Variants in TNS3 observed in about 807,000 individuals in gnomAD.
TNS3 encodes tensin 3.
A neutral mutation model predicts 140.9 loss-of-function variants in TNS3; 45 were observed. That is an observed-to-expected ratio of 0.32 (90% CI 0.25 to 0.41). The LOEUF is 0.41. TNS3 is among the 10% of genes least tolerant of loss of function. The pLI is 1.00. For synonymous variants in TNS3, 815 were observed against 788.4 expected (o/e 1.03, Z -0.56); for missense variants, 1,716 against 1,906.7 (o/e 0.90, Z 1.86).
At position 47,346,243 on chromosome 7, in the gene TNS3, C is replaced by T; in HGVS notation, c.2395G>A (p.Gly799Ser). Residue 799 changes from glycine to serine, a missense_variant, in exon 18 of 31, where the codon GGT (glycine) becomes AGT (serine). Physicochemically the swap from Gly to Ser is moderately conservative, Grantham distance 56. Coordinates refer to ENST00000311160, the MANE Select transcript of TNS3 (RefSeq NM_022748.12). ...GGCAGGTTTGGGGCATAGTCCACAC[C>T]AGCCTTTCCCCATGCACATTTGGAG... is the stretch of plus-strand genomic sequence containing the variant. ...PFSKCAWGKA[G>S]VDYAPNLPPF... 6 of 1,614,216 alleles carry T rather than the reference C, an allele frequency of 3.7e-6. No individual in the cohort carries two copies. The highest frequency in any genetic ancestry group is 5.1e-6 in the Non-Finnish European group (6 of 1,180,034).
intron 4 of TNS3, among the ~76,000 whole-genome samples, chr7:47,468,054 A>G (rs1796797406): frequency 6.6e-6 from 1 of 152,202 alleles, no homozygotes; most frequent in Non-Finnish European, 1.5e-5. Flanking sequence ...TTTAAAAAAA[A>G]AAATCAGCAC....
At chr7:47,510,860 T>TAAAAA (rs34323744) in intron 2 of TNS3, among the ~76,000 whole-genome samples, 1 of 128,320 alleles carries the variant, frequency 7.8e-6, no homozygotes, top group Non-Finnish European at 1.6e-5. Flanking sequence ...AGACTGTCTT[T>TAAAAA]AAAAAAAAAA....
At chr7:47,379,273 G>A (rs975168706) in intron 16 of TNS3, among the ~76,000 whole-genome samples, 2 of 152,140 alleles carry the variant, frequency 1.3e-5, no homozygotes, top group African/African-American at 4.8e-5. Context: ...CTCAAGGGGC[G>A]TTGTATTATC....
At chr7:47,402,963 A>G (rs1793240778) in intron 13 of TNS3, among the ~76,000 whole-genome samples, 1 of 152,204 alleles carries the variant, frequency 6.6e-6, no homozygotes, top group Non-Finnish European at 1.5e-5. Flanking sequence ...GGAGTCAGGA[A>G]ACTCCTCAGG....
At chr7:47,490,759 C>G (rs1003583039) in intron 3 of TNS3, among the ~76,000 whole-genome samples, 2 of 152,218 alleles carry the variant, frequency 1.3e-5, no homozygotes, top group Admixed American at 1.3e-4. Flanking sequence ...CCTGTCAGCA[C>G]CACATGAAGC....
intron 20 of TNS3, among the ~76,000 whole-genome samples, chr7:47,337,640 C>T (rs555815197): frequency 4.6e-5 from 7 of 152,330 alleles, no homozygotes; most frequent in African/African-American, 1.7e-4. Context: ...TCCATCCCAC[C>T]GTGTTCTTCA....
chr7:47,424,006 G>T, intron 10 of TNS3, 95 bp downstream of exon 10: 1 of 1,205,678 alleles, frequency 8.3e-7, no homozygotes. Flanking sequence ...ATTCATTTAG[G>T]TGTCGGGACA....
intron 28 of TNS3, among the ~76,000 whole-genome samples, chr7:47,281,588 T>C (rs1268525256): frequency 6.6e-6 from 1 of 152,198 alleles, no homozygotes; most frequent in Non-Finnish European, 1.5e-5. Context: ...TAAGGCTGAT[T>C]GTTGGTGAGA....
intron 12 of TNS3, among the ~76,000 whole-genome samples, chr7:47,413,612 C>T (rs1793910119): frequency 6.6e-6 from 1 of 151,948 alleles, no homozygotes; most frequent in South Asian, 2.1e-4. Context: ...GGAATCAATA[C>T]CCCTTGAAAA....
intron 20 of TNS3, among the ~76,000 whole-genome samples, chr7:47,311,820 A>G (rs1787122366): frequency 6.6e-6 from 1 of 152,152 alleles, no homozygotes; most frequent in South Asian, 2.1e-4. Context: ...AAAACAAAAC[A>G]AACAAACAAA....
intron 4 of TNS3, among the ~76,000 whole-genome samples, chr7:47,466,960 C>T (rs1165948369): frequency 6.6e-6 from 1 of 152,190 alleles, no homozygotes. Context: ...TTCCCTACAT[C>T]CCCCAAAGGT....
At chr7:47,304,604 C>T (rs1044934113) in intron 21 of TNS3, among the ~76,000 whole-genome samples, 1 of 152,104 alleles carries the variant, frequency 6.6e-6, no homozygotes, top group Non-Finnish European at 1.5e-5. Context: ...CCTGTATTTC[C>T]TGTATGTCCC....
chr7:47,404,605 G>T (rs1434539293), intron 13 of TNS3, among the ~76,000 whole-genome samples: 1 of 151,124 alleles, frequency 6.6e-6, no homozygotes, highest in African/African-American at 2.4e-5. Flanking sequence ...GCCTGTGCCC[G>T]GCCGGGCGCG....
At chr7:47,512,817 A>G (rs1798657290) in intron 2 of TNS3, among the ~76,000 whole-genome samples, 1 of 152,258 alleles carries the variant, frequency 6.6e-6, no homozygotes, top group African/African-American at 2.4e-5. Context: ...GCTGAAATGA[A>G]TTATTAGAAT....
In TNS3 at chr7:47,315,642, C is replaced by G. The variant is rs184226099; in HGVS notation, c.2651-10639G>C. ...CGGGGCTCAGGCAGGGCCACTGGCT[C>G]GCTCTTCGGAAGCCTTAGAGCCTGG... On this transcript the variant is annotated intron_variant, in intron 20 of 30. Coordinates refer to ENST00000311160, the MANE Select transcript of TNS3 (RefSeq NM_022748.12). 7.1e-4 allele frequency among the ~76,000 whole-genome samples: 108 copies of G among 152,336 alleles called. 2 individuals carry two copies. In the East Asian group the frequency reaches 0.017, roughly 24 times the overall value.
At chr7:47,522,340 T>C (rs549368723) in intron 2 of TNS3, among the ~76,000 whole-genome samples, 23 of 152,232 alleles carry the variant, frequency 1.5e-4, no homozygotes, top group African/African-American at 5.5e-4. Context: ...TCTGCACTGG[T>C]AGTCCATCCC....
chr7:47,564,074 G>A (rs897809722), intron 1 of TNS3, among the ~76,000 whole-genome samples: 1 of 151,664 alleles, frequency 6.6e-6, no homozygotes, highest in African/African-American at 2.4e-5. Context: ...GGCTCCTATA[G>A]TCCCAGCTGC....
At chr7:47,435,705 T>C (rs114423436) in intron 7 of TNS3, among the ~76,000 whole-genome samples, 2,541 of 152,254 alleles carry the variant, frequency 0.017, 61 homozygotes, top group African/African-American at 0.058. Context: ...TGGACGGGGC[T>C]GCAGTCCAGT....
intron 1 of TNS3, among the ~76,000 whole-genome samples, chr7:47,533,102 T>TA (rs1799465102): frequency 4.1e-4 from 6 of 14,704 alleles, no homozygotes; most frequent in Admixed American, 1.4e-3. Context: ...GTTGTCAGAT[T>TA]TTATATATAT....
Sources: gnomAD v4.1 joint callset for allele counts (sites outside exome capture counted in the v4.1 genomes callset) on GRCh38, gnomAD v4.1.1 for gene constraint, MANE v1.5 for transcripts, NCBI Gene and HGNC (gene_info 2026-07-23, HGNC 2026-07-21) for gene names.